Variants in RET observed in about 807,000 individuals in gnomAD.
RET encodes the protein ret proto-oncogene, also known as proto-oncogene tyrosine-protein kinase receptor Ret.
RET carries 19 observed loss-of-function variants against 118.3 expected under a neutral mutation model. The ratio of observed to expected loss-of-function variants is 0.16; its 90% confidence interval spans 0.11 to 0.24. The LOEUF (loss-of-function observed/expected upper bound fraction) is 0.24. Among genes scored for constraint, RET ranks in the 10% least tolerant of loss-of-function variants. The pLI, the probability that RET is intolerant of heterozygous loss-of-function variation, is 1.00. For synonymous variants in RET, 597 were observed against 644.1 expected (o/e 0.93, Z 1.11); for missense variants, 1,219 against 1,502.1 (o/e 0.81, Z 3.12).
intron 3 of RET, chr10:43,104,735 G>A: frequency 1.4e-6 from 1 of 703,432 alleles, no homozygotes; most frequent in East Asian, 2.7e-5. Context: ...CGTAAGCACA[G>A]TCATCGCTGC....
At chr10:43,127,334 C>G in intron 19 of RET, 1 of 1,068,686 alleles carries the variant, frequency 9.4e-7, no homozygotes, top group Non-Finnish European at 1.1e-6. Flanking sequence ...GTTTTCACAT[C>G]CTTTCCCTTA....
chr10:43,123,815 G>A lies in RET; in HGVS notation c.2939+7G>A, dbSNP rs374565577. The stretch of plus-strand genomic sequence containing the variant: ...ACAACTGCAGCGAGGAGATGTGAGC[G>A]GGGACTGGCTTTGGCCCAGCCTCAC... On this transcript the variant is annotated splice_region_variant and intron_variant, in intron 17 of 19. Transcript: ENST00000355710. 23 of 1,613,906 alleles carry A rather than the reference G, an allele frequency of 1.4e-5. No individual in the cohort carries two copies. The highest frequency in any genetic ancestry group is 1.1e-4 in the African/African-American group (8 of 74,938).
In RET at chr10:43,102,425, G is replaced by A. The variant is rs749190212; in HGVS notation, c.421G>A (p.Gly141Ser). ...TCGTGAGGGCGAGTGCCAGTGGCCAGGCTGTGCCCGCGTATACTTCTCCTT... is the reference window on the plus strand; with the variant it reads ...TCGTGAGGGCGAGTGCCAGTGGCCAAGCTGTGCCCGCGTATACTTCTCCTT... Reference protein sequence around the residue: ...SLREGECQWPGCARVYFSFFN... With the variant: ...SLREGECQWPSCARVYFSFFN... The change falls in exon 3 of 20, where the codon GGC (glycine) becomes AGC (serine). Residue 141 changes from glycine to serine, a missense_variant. Physicochemically the swap from Gly to Ser is moderately conservative, Grantham distance 56. Around this residue, in one of 5 missense-constraint regions of RET, gnomAD observed 84 missense variants for 163.6 expected, o/e 0.51. Transcript: ENST00000355710. 1.2e-6 allele frequency: 2 copies of A among 1,614,248 alleles called. No homozygotes were observed. The highest frequency in any genetic ancestry group is 3.3e-5 in the Admixed American group (2 of 60,030).
At chr10:43,125,535 C>G (rs184158070) in intron 18 of RET, among the ~76,000 whole-genome samples, 33 of 152,300 alleles carry the variant, frequency 2.2e-4, no homozygotes, top group African/African-American at 7.0e-4. Flanking sequence ...TTAAATTTCC[C>G]AGAGCCGAAC....
At chr10:43,111,863 C>T (rs183398018) in intron 7 of RET, among the ~76,000 whole-genome samples, 1 of 152,244 alleles carries the variant, frequency 6.6e-6, no homozygotes, top group Non-Finnish European at 1.5e-5. Flanking sequence ...CACTCACATC[C>T]TTCCTCCTGT....
rs754912942 is a variant in RET, at chr10:43,100,637, C to T, written c.252C>T (p.Asn84=). The T allele has an allele frequency of 6.2e-7, 1 of 1,613,710 alleles. No individual in the cohort carries two copies. The highest frequency in any genetic ancestry group is 8.5e-7 in the Non-Finnish European group (1 of 1,179,902). Residue 84 remains asparagine, a synonymous_variant, in exon 2 of 20, where the codon AAC becomes AAT. Coordinates refer to ENST00000355710, the MANE Select transcript of RET (RefSeq NM_020975.6). ...GTYRTRLHEN[N]WICIQEDTGL... ...ACCGCACACGGCTGCATGAGAACAA[C>T]TGGATCTGCATCCAGGAGGACACCG...
rs1490223704 is a variant in RET, at chr10:43,124,923, A to G, written c.2980A>G (p.Lys994Glu). ...MLQCWKQEPD[K>E]RPVFADISKD... The stretch of plus-strand genomic sequence containing the variant: ...GCAATGCTGGAAGCAGGAGCCGGAC[A>G]AAAGGCCGGTGTTTGCGGACATCAG... Residue 994 changes from lysine (K) to glutamate (E), a missense_variant, in exon 18 of 20, where the codon AAA becomes GAA. Around this residue, in one of 5 missense-constraint regions of RET, gnomAD observed 174 missense variants for 179.3 expected, o/e 0.97. Coordinates refer to ENST00000355710, the MANE Select transcript of RET (RefSeq NM_020975.6). 1.9e-6 allele frequency: 3 copies of G among 1,614,224 alleles called. No homozygotes were observed. Among genetic ancestry groups the G allele is most frequent in the East Asian group, 4.5e-5 (2 of 44,886 alleles).
chr10:43,081,862 G>A (rs1386033068), intron 1 of RET, among the ~76,000 whole-genome samples: 3 of 152,214 alleles, frequency 2.0e-5, no homozygotes, highest in African/African-American at 2.4e-5. Context: ...GAGGCAGGCT[G>A]TACCTCTCAT....
Position 43,077,212 on chromosome 10 carries a change from G to A in RET, c.-47G>A, listed in dbSNP as rs974158136. On this transcript the variant is annotated 5_prime_UTR_variant, in exon 1 of 20. Coordinates refer to ENST00000355710, the MANE Select transcript of RET (RefSeq NM_020975.6). Reference sequence around the variant, plus strand: ...GCCGCACCCGCCATCCAGACCCGCCGGCCCTAGCCGCAGTCCCTCCAGCCG... The same window carrying A: ...GCCGCACCCGCCATCCAGACCCGCCAGCCCTAGCCGCAGTCCCTCCAGCCG... The A allele has an allele frequency of 1.2e-4, 173 of 1,457,886 alleles. No homozygotes were observed. In the African/African-American group the frequency reaches 2.3e-3, roughly 19 times the overall value. The allele number at this position is 1,457,886 out of a possible 1,614,324, so 90.3% of individuals were successfully genotyped here.
chr10:43,096,212 A>T (rs1837520410), intron 1 of RET, among the ~76,000 whole-genome samples: 2 of 152,072 alleles, frequency 1.3e-5, no homozygotes, highest in African/African-American at 4.8e-5. Flanking sequence ...GTCTGTCACC[A>T]GACGTGGGTC....
intron 12 of RET, among the ~76,000 whole-genome samples, chr10:43,117,628 C>A (rs1838102671): frequency 6.6e-6 from 1 of 152,254 alleles, no homozygotes; most frequent in African/African-American, 2.4e-5. Context: ...CAGGCACCTG[C>A]TGGGCATTCC....
intron 12 of RET, among the ~76,000 whole-genome samples, chr10:43,117,454 C>T (rs1054761836): frequency 1.3e-4 from 20 of 152,262 alleles, no homozygotes; most frequent in Non-Finnish European, 2.9e-4. Flanking sequence ...AGGCTGCCCA[C>T]ACCTGGTCCA....
chr10:43,094,371 G>T (rs1837476791), intron 1 of RET, among the ~76,000 whole-genome samples: 1 of 151,942 alleles, frequency 6.6e-6, no homozygotes. Flanking sequence ...GGTGTCGCAT[G>T]AGGGGTTCTG....
rs899181624 is a variant in RET, at chr10:43,129,805, G to A, written c.*1536G>A. On this transcript the variant is annotated 3_prime_UTR_variant, in exon 20 of 20. Transcript: ENST00000355710. ...GTGTGCGCACACACCCAGAGGGAGA[G>A]TTTGAAAAATGCTTATTGGACACGT... 2.8e-5 allele frequency: 11 copies of A among 395,684 alleles called. No individual in the cohort carries two copies. Among genetic ancestry groups the A allele is most frequent in the African/African-American group, 1.9e-4 (9 of 48,586 alleles). The allele number at this position is 395,684 out of a possible 1,614,324, so 24.5% of individuals were successfully genotyped here. A position where few individuals can be genotyped will look rare whatever the true frequency, so the allele number is the denominator to read the frequency against.
chr10:43,110,619 C>T (rs975763106), intron 6 of RET, among the ~76,000 whole-genome samples: 2 of 152,166 alleles, frequency 1.3e-5, no homozygotes, highest in Middle Eastern at 3.2e-3. Context: ...GGAGAAGAGG[C>T]TCCTCTTTCC....
intron 1 of RET, among the ~76,000 whole-genome samples, chr10:43,081,546 G>T (rs1837183629): frequency 6.6e-6 from 1 of 152,178 alleles, no homozygotes; most frequent in Non-Finnish European, 1.5e-5. Context: ...TGGTCACAGA[G>T]AAGGTGATGA....
At position 43,077,258 on chromosome 10, in the gene RET, G is replaced by T; in HGVS notation, c.-1G>T. On this transcript the variant is annotated 5_prime_UTR_variant, in exon 1 of 20. Coordinates refer to ENST00000355710, the MANE Select transcript of RET (RefSeq NM_020975.6). ...AGCCGTGGCCCCAGCGCGCACGGGC[G>T]ATGGCGAAGGCGACGTCCGGTGCCG... 6.7e-7 allele frequency: 1 copy of T among 1,503,264 alleles called. No homozygotes were observed. The highest frequency in any genetic ancestry group is 8.8e-7 in the Non-Finnish European group (1 of 1,131,610). The allele number at this position is 1,503,264 out of a possible 1,614,324, so 93.1% of individuals were successfully genotyped here. A position where few individuals can be genotyped will look rare whatever the true frequency, so the allele number is the denominator to read the frequency against.
intron 2 of RET, 117 bp from the exon 3 acceptor site, chr10:43,102,225 T>C: frequency 7.5e-7 from 1 of 1,325,820 alleles, no homozygotes; most frequent in South Asian, 1.2e-5. Context: ...GTCTGAGCCT[T>C]GTGGACCTTG....
chr10:43,106,548 T>C lies in RET; in HGVS notation c.1040T>C (p.Val347Ala), dbSNP rs200641186. The C allele has an allele frequency of 6.2e-7, 1 of 1,613,526 alleles. No individual in the cohort carries two copies. Among genetic ancestry groups the C allele is most frequent in the African/African-American group, 1.3e-5 (1 of 74,970 alleles). ...ETSVQANGSF[V>A]RATVHDYRLV... The stretch of plus-strand genomic sequence containing the variant: ...TCGGTCCAGGCCAACGGCAGCTTCG[T>C]GCGGGCGACCGTACATGACTATAGT... The change falls in exon 5 of 20, where the codon GTG (valine) becomes GCG (alanine). Residue 347 changes from valine (V) to alanine (A), a missense_variant. Around this residue, in one of 5 missense-constraint regions of RET, gnomAD observed 850 missense variants for 969.6 expected, o/e 0.88. Coordinates refer to ENST00000355710, the MANE Select transcript of RET (RefSeq NM_020975.6). The surrounding 1 kb of genome is among the most constrained non-coding windows in gnomAD (Gnocchi z 5.1).
Sources: gnomAD v4.1 joint callset for allele counts (sites outside exome capture counted in the v4.1 genomes callset) on GRCh38, gnomAD v4.1.1 for gene constraint, gnomAD v4.1.1 regional missense constraint, Gnocchi (gnomAD v3.1) non-coding constraint, MANE v1.5 for transcripts, NCBI Gene and HGNC (gene_info 2026-07-23, HGNC 2026-07-21) for gene names.